Variants in GPN1 observed in about 807,000 individuals in gnomAD.
The protein encoded by GPN1 is GPN-loop GTPase 1.
A neutral mutation model predicts 55.9 loss-of-function variants in GPN1; 44 were observed. That is an observed-to-expected ratio of 0.79 (90% CI 0.62 to 1.01). The LOEUF (loss-of-function observed/expected upper bound fraction) is 1.01, where lower values mean the gene tolerates loss of function less well. Among genes scored for constraint, GPN1 ranks in the 50% least tolerant of loss-of-function variants. The pLI, the probability that GPN1 is intolerant of heterozygous loss-of-function variation, is 0.00. For synonymous variants in GPN1, 179 were observed against 162.5 expected (o/e 1.10, Z -0.77); for missense variants, 466 against 462.8 (o/e 1.01, Z -0.06).
rs766968025 is a variant in GPN1 at position 27,642,517 on chromosome 2, A to G, written c.929A>G (p.Lys310Arg). 1.4e-5 allele frequency: 22 copies of G among 1,587,450 alleles called. No individual in the cohort carries two copies. Among genetic ancestry groups the G allele is most frequent in the Middle Eastern group, 1.7e-4 (1 of 6,042 alleles). ...GSVALDAGTA[K>R]DSLSPVLHPS... ...GTAGCCTTGGATGCAGGGACTGCCA[A>G]AGGTATTGGAGGGTTTCTTGGTGTT... Residue 310 changes from lysine to arginine, a missense_variant and splice_region_variant, in exon 12 of 14, where the codon AAA becomes AGA. By Grantham distance (26) the Lys-to-Arg change is conservative (BLOSUM62 2). Coordinates refer to ENST00000610189, the MANE Select transcript of GPN1 (RefSeq NM_007266.4).
At position 27,645,333 on chromosome 2, in the gene GPN1, A is replaced by G. The variant is rs534321190; in HGVS notation, c.932-2503A>G. Among the ~76,000 whole-genome samples the G allele has an allele frequency of 1.6e-4, 25 of 152,026 alleles. No individual in the cohort carries two copies. The South Asian group carries it at 4.8e-3, about 29-fold the overall frequency. Reference sequence around the variant, plus strand: ...GACTCCTTACTTTTATGCCTGTACCATGTTGTTTTAATTATGTAATTATGT... The same window carrying G: ...GACTCCTTACTTTTATGCCTGTACCGTGTTGTTTTAATTATGTAATTATGT... On this transcript the variant is annotated intron_variant, in intron 12 of 13. Coordinates refer to ENST00000610189, the MANE Select transcript of GPN1 (RefSeq NM_007266.4).
intron 1 of GPN1, chr2:27,629,549 T>A: frequency 1.3e-6 from 1 of 758,500 alleles, no homozygotes; most frequent in Non-Finnish European, 2.2e-6. Context: ...TCACTGGGGA[T>A]ATAGCGAAAA....
At chr2:27,638,657 C>G (rs570286790) in intron 8 of GPN1, among the ~76,000 whole-genome samples, 59 of 152,144 alleles carry the variant, frequency 3.9e-4, no homozygotes, top group South Asian at 2.1e-4. Context: ...GGTCCTGGTA[C>G]TTGGCAGTGG....
At chr2:27,633,784 A>ATT (rs58286653) in intron 5 of GPN1, among the ~76,000 whole-genome samples, 1,572 of 146,170 alleles carry the variant, frequency 0.011, 8 homozygotes, top group Non-Finnish European at 0.016. Context: ...GCCTGGAGGT[A>ATT]TTTTTTTTTT....
At chr2:27,642,958 T>TACAC (rs1553358324) in intron 12 of GPN1, among the ~76,000 whole-genome samples, 1,888 of 122,616 alleles carry the variant, frequency 0.015, 20 homozygotes, top group African/African-American at 0.024. Context: ...TATATATATA[T>TACAC]ACACACACAC....
intron 12 of GPN1, among the ~76,000 whole-genome samples, chr2:27,645,110 G>C (rs1674163002): frequency 6.6e-6 from 1 of 152,074 alleles, no homozygotes; most frequent in Non-Finnish European, 1.5e-5. Flanking sequence ...TAGATCTACA[G>C]GTGTGTGCCA....
At position 27,629,956 on chromosome 2, in the gene GPN1, A is replaced by T; in HGVS notation, c.205+4A>T. 6.9e-7 allele frequency: 1 copy of T among 1,455,070 alleles called. No individual in the cohort carries two copies. The highest frequency in any genetic ancestry group is 9.7e-7 in the Non-Finnish European group (1 of 1,034,704). 90.1% of individuals were successfully genotyped at this position (1,455,070 alleles called of 1,614,324 possible). On this transcript the variant is annotated splice_donor_region_variant and intron_variant, in intron 2 of 13. Coordinates refer to ENST00000610189, the MANE Select transcript of GPN1 (RefSeq NM_007266.4). The stretch of plus-strand genomic sequence containing the variant: ...GTTCCCTTTCCTGCCAATATTGGTG[A>T]GTAAACCAGTAACATAACTTGTGTG...
Position 27,634,460 on chromosome 2 carries a change from A to G in GPN1, c.351-386A>G, listed in dbSNP as rs556163975. 3.8e-3 allele frequency among the ~76,000 whole-genome samples: 576 copies of G among 152,346 alleles called. 1 individual carries two copies. The highest frequency in any genetic ancestry group is 0.013 in the African/African-American group (556 of 41,578). On this transcript the variant is annotated intron_variant, in intron 5 of 13. Transcript: ENST00000610189. ...CTCAAGAAGTAACCTGATATTCTTC[A>G]GCTAGCACTTTCCCATTCCTCCCAT...
intron 10 of GPN1, among the ~76,000 whole-genome samples, chr2:27,640,854 C>CT (rs1254051640): frequency 2.6e-5 from 4 of 152,180 alleles, no homozygotes; most frequent in Non-Finnish European, 4.4e-5. Context: ...AGGATAGACT[C>CT]TTTTCTGTAT....
intron 5 of GPN1, among the ~76,000 whole-genome samples, chr2:27,634,371 C>T (rs1673655686): frequency 6.6e-6 from 1 of 152,210 alleles, no homozygotes; most frequent in Middle Eastern, 3.4e-3. Context: ...AATTCAGTGG[C>T]TTTTAGTATA....
At chr2:27,647,726 T>G in intron 12 of GPN1, 110 bp from the exon 13 acceptor site, 1 of 665,130 alleles carries the variant, frequency 1.5e-6, no homozygotes, top group Non-Finnish European at 2.7e-6. Context: ...GATCCTGCGT[T>G]TATATGTATC....
intron 5 of GPN1, among the ~76,000 whole-genome samples, chr2:27,634,558 T>G (rs1673660764): frequency 6.6e-6 from 1 of 152,210 alleles, no homozygotes; most frequent in Non-Finnish European, 1.5e-5. Flanking sequence ...ACATTCTGGT[T>G]TTGTGTCTTT....
intron 2 of GPN1, 80 bp downstream of exon 2, chr2:27,630,032 A>T: frequency 2.4e-6 from 2 of 835,578 alleles, no homozygotes; most frequent in Non-Finnish European, 4.2e-6. Context: ...TCACGGCTGT[A>T]ATCTCAGCAC....
intron 7 of GPN1, 66 bp downstream of exon 7, chr2:27,635,300 CTTT>C (rs57185039): frequency 1.2e-3 from 638 of 521,240 alleles, no homozygotes; most frequent in South Asian, 2.4e-3. Context: ...TCTTCTTCCT[CTTT>C]TTTTTTTTTT....
At chr2:27,632,063 C>G (rs1348827913) in intron 4 of GPN1, among the ~76,000 whole-genome samples, 163 bp downstream of exon 4, 1 of 152,160 alleles carries the variant, frequency 6.6e-6, no homozygotes, top group Non-Finnish European at 1.5e-5. Context: ...AGAAGGTGAT[C>G]AGTATGGTCA....
rs1419636770 is a variant in GPN1, at chr2:27,642,952, T to TACACACACACACAC, written c.931+434_931+435insCACACACACACACA. ...TAAAGGAAATGTGGTTTTATATATATATATATACACACACACACACACACA... is the reference window on the plus strand; with the variant it reads ...TAAAGGAAATGTGGTTTTATATATATACACACACACACACATATATACACACACACACACACACA... On this transcript the variant is annotated intron_variant, in intron 12 of 13. Coordinates refer to ENST00000610189, the MANE Select transcript of GPN1 (RefSeq NM_007266.4). 8.1e-4 allele frequency among the ~76,000 whole-genome samples: 31 copies of TACACACACACACAC among 38,054 alleles called. No homozygotes were observed. The Admixed American group carries it at 8.8e-3, about 11-fold the overall frequency. 25.0% of individuals were successfully genotyped at this position (38,054 alleles called of 152,430 possible).
rs1431188599 is a variant in GPN1, at chr2:27,650,281, C to A, written c.*81C>A. 13 of 745,442 alleles carry A rather than the reference C, an allele frequency of 1.7e-5. No homozygotes were observed. The highest frequency in any genetic ancestry group is 2.5e-5 in the Non-Finnish European group (11 of 432,422). 46.2% of individuals were successfully genotyped at this position (745,442 alleles called of 1,614,324 possible). On this transcript the variant is annotated 3_prime_UTR_variant, in exon 14 of 14. Transcript: ENST00000610189. ...TGAAAGAACTGTTCTTACCTCTGAA[C>A]TGGGGGCTCCCATAAGGGATAATTT...
intron 12 of GPN1, 88 bp from the exon 13 acceptor site, chr2:27,647,748 C>A: frequency 1.3e-6 from 1 of 762,304 alleles, no homozygotes; most frequent in South Asian, 1.5e-5. Context: ...TGAGCACTTT[C>A]ATCCTGCCAG....
At position 27,650,127 on chromosome 2, in the gene GPN1, G is replaced by A; in HGVS notation, c.1052G>A (p.Ser351Asn). The change falls in exon 14 of 14, where the codon AGC becomes AAC. Residue 351 changes from serine to asparagine, a missense_variant. By Grantham distance (46) the Ser-to-Asn change is conservative (BLOSUM62 1). Transcript: ENST00000610189. Reference sequence around the variant, plus strand: ...TTTTTCCTTGCAGTTACAGAGGAAAGCCATGAAGAGCCAGCATTCCAGAAT... The same window carrying A: ...TTTTTCCTTGCAGTTACAGAGGAAAACCATGAAGAGCCAGCATTCCAGAAT... Reference protein sequence around the residue: ...DDIDHRVTEESHEEPAFQNFM... With the variant: ...DDIDHRVTEENHEEPAFQNFM... The A allele has an allele frequency of 6.3e-7, 1 of 1,597,796 alleles. No individual in the cohort carries two copies. Among genetic ancestry groups the A allele is most frequent in the Admixed American group, 1.7e-5 (1 of 59,982 alleles).
Sources: gnomAD v4.1 joint callset for allele counts (sites outside exome capture counted in the v4.1 genomes callset) on GRCh38, gnomAD v4.1.1 for gene constraint, MANE v1.5 for transcripts, NCBI Gene and HGNC (gene_info 2026-07-23, HGNC 2026-07-21) for gene names.